Variants in SPOUT1 observed in about 807,000 individuals in gnomAD.
The protein encoded by SPOUT1 is 28S rRNA (uridine-N(3))-methyltransferase.
SPOUT1 carries 40 observed loss-of-function variants against 54.8 expected under a neutral mutation model. The observed-to-expected ratio is 0.73, with a 90% CI of 0.57 to 0.95. The LOEUF (loss-of-function observed/expected upper bound fraction) is 0.95. Among genes scored for constraint, SPOUT1 ranks in the 40% least tolerant of loss-of-function variants. The pLI, the probability that SPOUT1 is intolerant of heterozygous loss-of-function variation, is 0.00. For synonymous variants in SPOUT1, 193 were observed against 200.3 expected (o/e 0.96, Z 0.31); for missense variants, 437 against 499.5 (o/e 0.87, Z 1.19).
At position 128,820,760 on chromosome 9, in the gene SPOUT1, G is replaced by C; in HGVS notation, c.*2005C>G. On this transcript the variant is annotated 3_prime_UTR_variant, in exon 12 of 12. Transcript: ENST00000361256. ...CCAGGTGCCCCACCTCAACCAGAAT[G>C]CCTGGAACAACCTGGAGAAATATAG... 1 of 1,611,526 alleles carries C rather than the reference G, an allele frequency of 6.2e-7. No individual in the cohort carries two copies. Among genetic ancestry groups the C allele is most frequent in the Non-Finnish European group, 8.5e-7 (1 of 1,178,800 alleles).
intron 9 of SPOUT1, 84 bp from the exon 10 acceptor site, chr9:128,824,258 G>A: frequency 3.0e-6 from 2 of 662,488 alleles, no homozygotes; most frequent in Non-Finnish European, 5.5e-6. Context: ...CTGAGGCGGG[G>A]GTGGGTGGGA....
rs1276933249 is a variant in SPOUT1, at chr9:128,823,825, C to G, written c.984G>C (p.Glu328Asp). The G allele has an allele frequency of 1.2e-6, 2 of 1,612,056 alleles. No individual in the cohort carries two copies. The highest frequency in any genetic ancestry group is 1.7e-6 in the Non-Finnish European group (2 of 1,179,572). Residue 328 changes from glutamate (E) to aspartate (D), a missense_variant, in exon 11 of 12, where the codon GAG (glutamate) becomes GAC (aspartate). Coordinates refer to ENST00000361256, the MANE Select transcript of SPOUT1 (RefSeq NM_016390.4). ...EAGADADPNL[E>D]VAEPSVLFDL... The stretch of plus-strand genomic sequence containing the variant: ...CAAAGAGGACACTGGGTTCAGCCAC[C>G]TCCAGGTTGGGGTCAGCATCCGCTC...
In SPOUT1 at chr9:128,819,964, A is replaced by C. The variant is rs1830075395; in HGVS notation, c.*2801T>G. 6.6e-6 allele frequency: 1 copy of C among 152,326 alleles called. No individual in the cohort carries two copies. Among genetic ancestry groups the C allele is most frequent in the South Asian group, 2.1e-4 (1 of 4,838 alleles). The allele number at this position is 152,326 out of a possible 1,614,324, so 9.4% of individuals were successfully genotyped here. On this transcript the variant is annotated 3_prime_UTR_variant, in exon 12 of 12. Coordinates refer to ENST00000361256, the MANE Select transcript of SPOUT1 (RefSeq NM_016390.4). ...GGGGGGTGGCTGTAAATACAGATGAAGCTTCCCTTGCTCGCCTGCTGCTCA... is the reference window on the plus strand; with the variant it reads ...GGGGGGTGGCTGTAAATACAGATGACGCTTCCCTTGCTCGCCTGCTGCTCA...
At position 128,824,960 on chromosome 9, in the gene SPOUT1, G is replaced by A; in HGVS notation, c.712+17C>T. 1 of 1,606,128 alleles carries A rather than the reference G, an allele frequency of 6.2e-7. No homozygotes were observed. The highest frequency in any genetic ancestry group is 1.3e-5 in the African/African-American group (1 of 74,950). ...GCTCATCAGGCCAACCCAGGGGTTGGGGAACCTTCCAGATACCTGGGTGCT... is the reference window on the plus strand; with the variant it reads ...GCTCATCAGGCCAACCCAGGGGTTGAGGAACCTTCCAGATACCTGGGTGCT... On this transcript the variant is annotated intron_variant, in intron 8 of 11. Coordinates refer to ENST00000361256, the MANE Select transcript of SPOUT1 (RefSeq NM_016390.4).
At chr9:128,824,262 G>T in intron 9 of SPOUT1, 88 bp from the exon 10 acceptor site, 1 of 638,216 alleles carries the variant, frequency 1.6e-6, no homozygotes. Flanking sequence ...GGCGGGGGTG[G>T]GTGGGAAGAG....
intron 10 of SPOUT1, 84 bp from the exon 11 acceptor site, chr9:128,823,978 C>A (rs1830183714): frequency 6.3e-7 from 1 of 1,583,354 alleles, no homozygotes; most frequent in South Asian, 1.1e-5. Flanking sequence ...CTCCCCACCC[C>A]AGACAGCAGG....
chr9:128,828,903 A>G lies in SPOUT1; in HGVS notation c.83-43T>C, dbSNP rs767054263. The G allele has an allele frequency of 2.0e-5, 33 of 1,612,078 alleles. 2 individuals carry two copies. In the South Asian group the frequency reaches 3.6e-4, roughly 18 times the overall value. ...CTAATTGGCCAAGGAGACAGTTCCC[A>G]CTCATTGGGTCAGCCTGGACTCTGG... On this transcript the variant is annotated intron_variant, in intron 2 of 11. Coordinates refer to ENST00000361256, the MANE Select transcript of SPOUT1 (RefSeq NM_016390.4).
rs1457660365 is a variant in SPOUT1, at chr9:128,826,181, G to T, written c.509-29C>A. On this transcript the variant is annotated intron_variant, in intron 6 of 11. Transcript: ENST00000361256. This position sits in a 1 kb window ranked among gnomAD's most constrained non-coding sequence, Gnocchi z 5.5. ...TGGAGGCAGAGCCGGGAAGAGTCTGGGAAGTGCTAGGGCACACAGGGTGCA... is the reference window on the plus strand; with the variant it reads ...TGGAGGCAGAGCCGGGAAGAGTCTGTGAAGTGCTAGGGCACACAGGGTGCA... The T allele has an allele frequency of 1.3e-6, 2 of 1,586,586 alleles. No homozygotes were observed. Among genetic ancestry groups the T allele is most frequent in the Admixed American group, 3.5e-5 (2 of 57,834 alleles).
At chr9:128,823,209 C>T (rs1357861498) in intron 11 of SPOUT1, among the ~76,000 whole-genome samples, 1 of 152,102 alleles carries the variant, frequency 6.6e-6, no homozygotes, top group African/African-American at 2.4e-5. Flanking sequence ...TTGGGCAAGG[C>T]CTTAGGGATG....
rs1830134166 is a variant in SPOUT1, at chr9:128,822,251, C to T, written c.*514G>A. On this transcript the variant is annotated 3_prime_UTR_variant, in exon 12 of 12. Transcript: ENST00000361256. ...GGTTGACAGAAGTTAGAGGACAGATCAGGGAAGGCTGCCTGGAAGAGGTGG... is the reference window on the plus strand; with the variant it reads ...GGTTGACAGAAGTTAGAGGACAGATTAGGGAAGGCTGCCTGGAAGAGGTGG... 1 of 1,540,974 alleles carries T rather than the reference C, an allele frequency of 6.5e-7. No homozygotes were observed. Among genetic ancestry groups the T allele is most frequent in the Non-Finnish European group, 8.8e-7 (1 of 1,142,840 alleles).
intron 10 of SPOUT1, 82 bp from the exon 11 acceptor site, chr9:128,823,976 C>G: frequency 6.3e-7 from 1 of 1,586,882 alleles, no homozygotes; most frequent in Non-Finnish European, 8.6e-7. Context: ...CCCTCCCCAC[C>G]CCAGACAGCA....
Position 128,821,236 on chromosome 9 carries a change from C to G in SPOUT1, c.*1529G>C, listed in dbSNP as rs112269930. On this transcript the variant is annotated 3_prime_UTR_variant, in exon 12 of 12. Transcript: ENST00000361256. ...GTGCACCAAGCTCTCCCGCCTTCCC[C>G]CTGCAGGTCTGCGGTGCACCAAGCT... 13,623 of 248,256 alleles carry G rather than the reference C, an allele frequency of 0.055. 505 individuals carry two copies. Among genetic ancestry groups the G allele is most frequent in the African/African-American group, 0.11 (4,942 of 43,906 alleles). 15.4% of individuals were successfully genotyped at this position (248,256 alleles called of 1,614,324 possible).
At chr9:128,823,421 C>A (rs34650592) in intron 11 of SPOUT1, among the ~76,000 whole-genome samples, 514 of 152,252 alleles carry the variant, frequency 3.4e-3, no homozygotes, top group Middle Eastern at 0.01. Context: ...CTGTGCCCAC[C>A]GTGGTCACAC....
chr9:128,829,541 G>A (rs1401792731), intron 1 of SPOUT1, among the ~76,000 whole-genome samples: 1 of 152,166 alleles, frequency 6.6e-6, no homozygotes, highest in Non-Finnish European at 1.5e-5. Flanking sequence ...CGGGGGCCAG[G>A]GAGCCGCAGG....
At chr9:128,829,045 C>T in intron 2 of SPOUT1, 65 bp downstream of exon 2, 3 of 1,539,488 alleles carry the variant, frequency 1.9e-6, no homozygotes, top group Non-Finnish European at 2.7e-6. Flanking sequence ...GTGTCTTTCT[C>T]CAGGGTTTGA....
intron 10 of SPOUT1, 30 bp downstream of exon 10, chr9:128,824,042 G>T (rs375205868): frequency 2.8e-5 from 44 of 1,594,048 alleles, no homozygotes; most frequent in Non-Finnish European, 3.8e-5. Context: ...CATTCCTCCT[G>T]CCCTGGCCGC....
chr9:128,826,918 G>T lies in SPOUT1; in HGVS notation c.368+114C>A. 2 of 1,115,956 alleles carry T rather than the reference G, an allele frequency of 1.8e-6. No homozygotes were observed. Among genetic ancestry groups the T allele is most frequent in the South Asian group, 1.4e-5 (1 of 71,378 alleles). 69.1% of individuals were successfully genotyped at this position (1,115,956 alleles called of 1,614,324 possible). On this transcript the variant is annotated intron_variant, in intron 4 of 11. Coordinates refer to ENST00000361256, the MANE Select transcript of SPOUT1 (RefSeq NM_016390.4). The surrounding 1 kb of genome is among the most constrained non-coding windows in gnomAD (Gnocchi z 5.5). Reference sequence around the variant, plus strand: ...AAGGATTACACAGGGAATATTTCAGGCAGGGCACGAGGGAAGAGCCAGGCA... The same window carrying T: ...AAGGATTACACAGGGAATATTTCAGTCAGGGCACGAGGGAAGAGCCAGGCA...
chr9:128,828,655 C>T (rs1830287019), intron 3 of SPOUT1, 80 bp downstream of exon 3: 1 of 1,505,402 alleles, frequency 6.6e-7, no homozygotes, highest in African/African-American at 1.4e-5. Context: ...AAGGCCCTTT[C>T]AGATAAGACA....
intron 1 of SPOUT1, 21 bp downstream of exon 1, chr9:128,829,724 G>A: frequency 1.3e-6 from 2 of 1,578,966 alleles, no homozygotes; most frequent in Non-Finnish European, 8.6e-7. Context: ...CCCTGCACGG[G>A]GTCCCGCCGC....
Sources: allele counts gnomAD v4.1 joint callset (sites outside exome capture counted in the v4.1 genomes callset), GRCh38; gene constraint gnomAD v4.1.1; non-coding constraint Gnocchi (gnomAD v3.1); transcripts MANE v1.5; gene names NCBI Gene and HGNC (gene_info 2026-07-23, HGNC 2026-07-21).